The following TXNL1 variants were observed in gnomAD, a reference collection of about 807,000 sequenced individuals.
The protein encoded by TXNL1 is thioredoxin-like protein 1.
A neutral mutation model predicts 35.5 loss-of-function variants in TXNL1; 14 were observed. That is an observed-to-expected ratio of 0.39 (90% confidence interval 0.26 to 0.62). The LOEUF is 0.62. TXNL1 is among the 20% of genes least tolerant of loss of function. TXNL1 has a pLI of 0.47. For synonymous variants in TXNL1, 110 were observed against 115.5 expected, an observed-to-expected ratio of 0.95 and a Z score of 0.31; for missense variants, 263 against 349.7, an observed-to-expected ratio of 0.75 and a Z score of 1.98.
intron 1 of TXNL1, among the ~76,000 whole-genome samples, chr18:56,635,119 A>T (rs1247568348): frequency 6.6e-6 from 1 of 152,090 alleles, no homozygotes; most frequent in African/African-American, 2.4e-5. Flanking sequence ...ATTAGCGGGC[A>T]TGGTGGTATG....
intron 1 of TXNL1, among the ~76,000 whole-genome samples, chr18:56,636,840 A>C (rs1386844170): frequency 6.6e-6 from 1 of 151,862 alleles, no homozygotes; most frequent in Non-Finnish European, 1.5e-5. Flanking sequence ...AAGTGAACTA[A>C]AAGTGAGGTG....
chr18:56,635,469 A>C (rs1486563513), intron 1 of TXNL1, among the ~76,000 whole-genome samples: 1 of 152,226 alleles, frequency 6.6e-6, no homozygotes, highest in Non-Finnish European at 1.5e-5. Context: ...TAAGACATGG[A>C]TGAACCTTGA....
At chr18:56,626,905 A>G (rs971605983) in intron 1 of TXNL1, among the ~76,000 whole-genome samples, 1 of 144,676 alleles carries the variant, frequency 6.9e-6, no homozygotes, top group African/African-American at 2.5e-5. Context: ...TCCAGGCTCA[A>G]GCAATCCTCC....
intron 7 of TXNL1, 90 bp from the exon 8 acceptor site, chr18:56,603,146 T>C (rs997123226): frequency 3.7e-5 from 44 of 1,173,366 alleles, no homozygotes; most frequent in Non-Finnish European, 5.3e-5. Context: ...AAAACCTTGG[T>C]ATTAATTTTT....
chr18:56,603,869 G>GT (rs1366348721), intron 7 of TXNL1, among the ~76,000 whole-genome samples: 2 of 152,094 alleles, frequency 1.3e-5, no homozygotes, highest in Non-Finnish European at 2.9e-5. Context: ...AATACTGAAT[G>GT]TATGTTTGTG....
chr18:56,624,263 T>G, intron 3 of TXNL1, 25 bp downstream of exon 3: 1 of 1,598,468 alleles, frequency 6.3e-7, no homozygotes, highest in Non-Finnish European at 8.5e-7. Context: ...TTATACATTA[T>G]GATTTCACTT....
Position 56,597,976 on chromosome 18 carries a change from G to C in TXNL1, c.*5051C>G, listed in dbSNP as rs982387716. The C allele has an allele frequency of 2.0e-5, 3 of 152,178 alleles. No individual in the cohort carries two copies. Among genetic ancestry groups the C allele is most frequent in the African/African-American group, 7.2e-5 (3 of 41,452 alleles). 9.4% of individuals were successfully genotyped at this position (152,178 alleles called of 1,614,324 possible). A position where few individuals can be genotyped will look rare whatever the true frequency, so the allele number is the denominator to read the frequency against. On this transcript the variant is annotated 3_prime_UTR_variant, in exon 8 of 8. Coordinates refer to ENST00000217515, the MANE Select transcript of TXNL1 (RefSeq NM_004786.3). ...CTCCCATAAATTAAGGAGAAAGTTT[G>C]ATCTCTTTCACATGGCAAGAGGAGC...
Position 56,600,622 on chromosome 18 carries a change from A to G in TXNL1, c.*2405T>C, listed in dbSNP as rs979686179. 1.3e-5 allele frequency: 2 copies of G among 149,762 alleles called. No individual in the cohort carries two copies. The highest frequency in any genetic ancestry group is 4.9e-5 in the African/African-American group (2 of 40,440). 9.3% of individuals were successfully genotyped at this position (149,762 alleles called of 1,614,324 possible). ...CAACGTGGGGCAGGTTTCAACTCTAATTGTTACGTGGCTGCCTCCAACAGT... is the reference window on the plus strand; with the variant it reads ...CAACGTGGGGCAGGTTTCAACTCTAGTTGTTACGTGGCTGCCTCCAACAGT... On this transcript the variant is annotated 3_prime_UTR_variant, in exon 8 of 8. Transcript: ENST00000217515.
intron 1 of TXNL1, among the ~76,000 whole-genome samples, chr18:56,637,906 AG>A (rs1415593101): frequency 7.9e-5 from 12 of 152,196 alleles, no homozygotes; most frequent in Admixed American, 7.9e-4. Context: ...GGCTTTAGAG[AG>A]ATGTAGGTGG....
At chr18:56,630,778 G>A (rs1337686196) in intron 1 of TXNL1, among the ~76,000 whole-genome samples, 1 of 152,092 alleles carries the variant, frequency 6.6e-6, no homozygotes, top group African/African-American at 2.4e-5. Flanking sequence ...TGGAACTTTG[G>A]TCAAAAATCA....
chr18:56,614,274 G>T, intron 6 of TXNL1, 150 bp downstream of exon 6: 1 of 635,444 alleles, frequency 1.6e-6, no homozygotes, highest in Non-Finnish European at 2.5e-6. Context: ...AAATTAAAAA[G>T]AAGAAAATTT....
rs1331147353 is a variant in TXNL1 at position 56,599,313 on chromosome 18, A to C, written c.*3714T>G. ...AAAAAAACCTTATTGATCAAAAATA[A>C]AACTTGAATTTTGAAACATGCTTAA... On this transcript the variant is annotated 3_prime_UTR_variant, in exon 8 of 8. Coordinates refer to ENST00000217515, the MANE Select transcript of TXNL1 (RefSeq NM_004786.3). The C allele has an allele frequency of 2.0e-5, 3 of 152,210 alleles. No individual in the cohort carries two copies. In the East Asian group the frequency reaches 5.8e-4, roughly 29 times the overall value. 9.4% of individuals were successfully genotyped at this position (152,210 alleles called of 1,614,324 possible).
intron 6 of TXNL1, 135 bp downstream of exon 6, chr18:56,614,289 C>A: frequency 2.9e-6 from 2 of 699,078 alleles, no homozygotes; most frequent in South Asian, 2.5e-5. Flanking sequence ...AAATTTATCC[C>A]ATTAAACATT....
chr18:56,620,743 C>T (rs1236121104), intron 3 of TXNL1, among the ~76,000 whole-genome samples: 1 of 152,140 alleles, frequency 6.6e-6, no homozygotes, highest in Non-Finnish European at 1.5e-5. Flanking sequence ...TTTAAAGATA[C>T]AAATACATAC....
In TXNL1 at chr18:56,603,065, A is replaced by G; in HGVS notation, c.841-9T>C. ...CCTTTTTTGCCAACTACCTAGAAAA[A>G]CAAAAATAAGTTTATATGTACATCC... On this transcript the variant is annotated splice_polypyrimidine_tract_variant and intron_variant, in intron 7 of 7. Coordinates refer to ENST00000217515, the MANE Select transcript of TXNL1 (RefSeq NM_004786.3). 1 of 1,611,750 alleles carries G rather than the reference A, an allele frequency of 6.2e-7. No individual in the cohort carries two copies. The highest frequency in any genetic ancestry group is 8.5e-7 in the Non-Finnish European group (1 of 1,178,102).
chr18:56,617,882 G>T (rs1266491289), intron 4 of TXNL1, 122 bp downstream of exon 4: 2 of 1,274,844 alleles, frequency 1.6e-6, no homozygotes, highest in African/African-American at 1.5e-5. Context: ...AAAAGCTATA[G>T]AAATGAAAGG....
At chr18:56,629,049 T>C (rs1224573701) in intron 1 of TXNL1, among the ~76,000 whole-genome samples, 2 of 152,230 alleles carry the variant, frequency 1.3e-5, no homozygotes, top group Admixed American at 6.5e-5. Context: ...TTGGGTCATA[T>C]CTATTCATTT....
chr18:56,638,559 G>A lies in TXNL1; in HGVS notation c.-119C>T, dbSNP rs887892824. On this transcript the variant is annotated 5_prime_UTR_variant, in exon 1 of 8. Coordinates refer to ENST00000217515, the MANE Select transcript of TXNL1 (RefSeq NM_004786.3). Reference sequence around the variant, plus strand: ...AGGCCGAGGCCTGGACAGAAGAGGTGGCGACCGCCGAGTCTTCTCCCGGGA... The same window carrying A: ...AGGCCGAGGCCTGGACAGAAGAGGTAGCGACCGCCGAGTCTTCTCCCGGGA... The A allele has an allele frequency of 2.0e-6, 2 of 1,008,910 alleles. No homozygotes were observed. The highest frequency in any genetic ancestry group is 2.8e-6 in the Non-Finnish European group (2 of 719,026). The allele number at this position is 1,008,910 out of a possible 1,614,324, so 62.5% of individuals were successfully genotyped here. A position where few individuals can be genotyped will look rare whatever the true frequency, so the allele number is the denominator to read the frequency against.
chr18:56,629,736 A>G (rs570452877), intron 1 of TXNL1, among the ~76,000 whole-genome samples: 38 of 152,202 alleles, frequency 2.5e-4, no homozygotes, highest in Non-Finnish European at 4.4e-4. Context: ...GCATTTACAC[A>G]GGTGTCACAA....
Sources: allele counts gnomAD v4.1 joint callset (sites outside exome capture counted in the v4.1 genomes callset), GRCh38; gene constraint gnomAD v4.1.1; transcripts MANE v1.5; gene names NCBI Gene and HGNC (gene_info 2026-07-23, HGNC 2026-07-21).